Variants in MALAT1 observed in about 807,000 individuals in gnomAD.
MALAT1 encodes metastasis associated lung adenocarcinoma transcript 1.
At chr11:65,502,353 C>T (rs1426379859) in exon 3 of MALAT1, 1 of 512,288 alleles carries the variant, frequency 2.0e-6, no homozygotes, top group Non-Finnish European at 3.9e-6. Context: ...GCTTAATGAT[C>T]CTGAAGGGAT....
chr11:65,499,939 A>G (rs1320727784), exon 3 of MALAT1: 4 of 434,718 alleles, frequency 9.2e-6, no homozygotes. Flanking sequence ...GGAGAAGTAT[A>G]GAAGATAGAA....
chr11:65,498,827 A>G (rs77535011), intron 2 of MALAT1: 8 of 518,734 alleles, frequency 1.5e-5, no homozygotes, highest in East Asian at 5.4e-5. Flanking sequence ...TTGCAGCTCA[A>G]ATCTTTCCAC....
exon 3 of MALAT1, chr11:65,499,254 G>A (rs374676811): frequency 2.0e-6 from 1 of 512,670 alleles, no homozygotes; most frequent in Non-Finnish European, 3.9e-6. Flanking sequence ...TGAAGACTTA[G>A]AAGAGTAGCA....
chr11:65,506,056 T>G, intron 3 of MALAT1: 2 of 443,664 alleles, frequency 4.5e-6, no homozygotes, highest in South Asian at 3.3e-5. Flanking sequence ...AAACAACACG[T>G]ATTGTTTTCT....
intron 1 of MALAT1, chr11:65,498,012 T>C (rs1215817022): frequency 3.9e-6 from 2 of 518,924 alleles, no homozygotes; most frequent in East Asian, 5.4e-5. Context: ...CTCTGCAGTT[T>C]GGTCTTGGGG....
chr11:65,501,343 G>C (rs1360078511), exon 3 of MALAT1: 2 of 518,506 alleles, frequency 3.9e-6, no homozygotes, highest in Non-Finnish European at 7.7e-6. Flanking sequence ...TCCAATATCA[G>C]GATAATCAGA....
exon 4 of MALAT1, chr11:65,506,325 T>G: frequency 2.1e-6 from 1 of 471,904 alleles, no homozygotes; most frequent in South Asian, 1.6e-5. Flanking sequence ...GTCAGGAGCT[T>G]GACTTGATTG....
chr11:65,498,206 A>G (rs1315966234), intron 1 of MALAT1: 1 of 518,932 alleles, frequency 1.9e-6, no homozygotes. Flanking sequence ...TCGGAGACAA[A>G]GCCATTCGCT....
chr11:65,499,201 T>G (rs1197669559), exon 3 of MALAT1: 1 of 503,792 alleles, frequency 2.0e-6, no homozygotes, highest in Non-Finnish European at 3.9e-6. Context: ...TAGCGTTAAG[T>G]TTTTAACGTA....
At chr11:65,501,105 TG>T (rs772488234) in exon 3 of MALAT1, 23 of 515,776 alleles carry the variant, frequency 4.5e-5, no homozygotes, top group Middle Eastern at 3.2e-4. Flanking sequence ...TATGTTTAGT[TG>T]GGGTAATGAA....
At chr11:65,500,287 G>A (rs768517935) in exon 3 of MALAT1, 1 of 518,668 alleles carries the variant, frequency 1.9e-6, no homozygotes, top group Non-Finnish European at 3.8e-6. Context: ...CTTTCGTAAC[G>A]GAAGTAATTC....
exon 3 of MALAT1, chr11:65,503,054 G>C (rs1359230757): frequency 3.9e-6 from 2 of 509,592 alleles, no homozygotes; most frequent in Admixed American, 2.0e-5. Flanking sequence ...ATAAATGAGA[G>C]ATGAGTTGGG....
chr11:65,498,371 T>A (rs768629850), intron 1 of MALAT1: 2 of 518,092 alleles, frequency 3.9e-6, no homozygotes, highest in African/African-American at 3.9e-5. Context: ...CAGATCAGAG[T>A]GGGCCACTGG....
intron 2 of MALAT1, chr11:65,498,920 C>A: frequency 1.9e-6 from 1 of 518,818 alleles, no homozygotes; most frequent in Middle Eastern, 3.2e-4. Flanking sequence ...AAAAGTAAAA[C>A]TAGAACCTAT....
At chr11:65,504,838 C>T (rs567134873) in intron 3 of MALAT1, 27 of 518,812 alleles carry the variant, frequency 5.2e-5, no homozygotes, top group Admixed American at 1.9e-4. Flanking sequence ...AGCAGACACA[C>T]GTATGCGAAG....
At chr11:65,498,340 C>T (rs767135998) in intron 1 of MALAT1, 1 of 517,830 alleles carries the variant, frequency 1.9e-6, no homozygotes, top group Non-Finnish European at 3.9e-6. Flanking sequence ...CCGTGGGGGG[C>T]TGGCGGCAAC....
At chr11:65,502,168 G>A (rs1360719341) in exon 3 of MALAT1, 2 of 516,866 alleles carry the variant, frequency 3.9e-6, no homozygotes, top group South Asian at 2.8e-5. Context: ...AGCTTTTGGG[G>A]AAGGAAAGTA....
chr11:65,497,750 C>T (rs761127984), exon 1 of MALAT1: 12 of 427,370 alleles, frequency 2.8e-5, no homozygotes, highest in Middle Eastern at 4.2e-4. Context: ...CAGCCTGCAG[C>T]CCGAGACTTC....
intron 3 of MALAT1, chr11:65,504,145 C>G (rs765194598): frequency 9.7e-6 from 5 of 516,562 alleles, no homozygotes; most frequent in African/African-American, 5.8e-5. Flanking sequence ...GCATTTCATC[C>G]TTCATGAAGC....
Sources: allele counts gnomAD v4.1 joint callset, GRCh38; gene constraint gnomAD v4.1.1; transcripts MANE v1.5; gene names NCBI Gene and HGNC (gene_info 2026-07-23, HGNC 2026-07-21).